GRM4: variants seen among roughly 807,000 people sequenced by gnomAD.
GRM4 encodes glutamate metabotropic receptor 4.
In GRM4, 28 loss-of-function variants were observed where a neutral mutation model predicts 81.7. The observed-to-expected ratio is 0.34, with a 90% CI of 0.25 to 0.47. GRM4 has a LOEUF of 0.47. GRM4 is among the 20% of genes least tolerant of loss of function. The pLI is 1.00. For synonymous variants in GRM4, 488 were observed against 528.8 expected, an observed-to-expected ratio of 0.92 and a Z score of 1.06; for missense variants, 948 against 1,290.0, an observed-to-expected ratio of 0.73 and a Z score of 4.06.
Position 34,089,771 on chromosome 6 carries a change from G to A in GRM4, c.736+2112C>T, listed in dbSNP as rs1768105165. Among the ~76,000 whole-genome samples the A allele has an allele frequency of 6.6e-6, 1 of 152,002 alleles. No individual in the cohort carries two copies. Among genetic ancestry groups the A allele is most frequent in the Non-Finnish European group, 1.5e-5 (1 of 67,994 alleles). ...TTGATAAAAAAAAAATTAAACAATA[G>A]GCTTACCTTCAGCCAAAACACAATG... On this transcript the variant is annotated intron_variant, in intron 3 of 10. Coordinates refer to ENST00000538487, the MANE Select transcript of GRM4 (RefSeq NM_000841.4). The surrounding 1 kb of genome is among the most constrained non-coding windows in gnomAD (Gnocchi z 4.3).
At chr6:34,101,181 C>T (rs1167082217) in intron 2 of GRM4, among the ~76,000 whole-genome samples, 1 of 152,218 alleles carries the variant, frequency 6.6e-6, no homozygotes, top group Non-Finnish European at 1.5e-5. Context: ...CACACACATG[C>T]AATCCTCATC....
chr6:34,092,158 C>G lies in GRM4; in HGVS notation c.520-59G>C. ...CTGGCTCCCCACCCTGCCTAGCCAGCCCCATTCCCCTACACACCAACCTCC... is the reference window on the plus strand; with the variant it reads ...CTGGCTCCCCACCCTGCCTAGCCAGGCCCATTCCCCTACACACCAACCTCC... On this transcript the variant is annotated intron_variant, in intron 2 of 10. Coordinates refer to ENST00000538487, the MANE Select transcript of GRM4 (RefSeq NM_000841.4). This position sits in a 1 kb window ranked among gnomAD's most constrained non-coding sequence, Gnocchi z 6.8. 1 of 1,174,524 alleles carries G rather than the reference C, an allele frequency of 8.5e-7. No homozygotes were observed. The highest frequency in any genetic ancestry group is 1.2e-6 in the Non-Finnish European group (1 of 803,404). The allele number at this position is 1,174,524 out of a possible 1,614,324, so 72.8% of individuals were successfully genotyped here. A position where few individuals can be genotyped will look rare whatever the true frequency, so the allele number is the denominator to read the frequency against.
At chr6:34,081,155 C>A (rs776832501) in intron 3 of GRM4, among the ~76,000 whole-genome samples, 1 of 152,220 alleles carries the variant, frequency 6.6e-6, no homozygotes, top group Non-Finnish European at 1.5e-5. Flanking sequence ...GGGCCAGTTT[C>A]GGAGTCATGC....
Position 34,078,471 on chromosome 6 carries a change from A to ACCTTCCCTTCTTCCACC in GRM4, c.736+13395_736+13411dup, listed in dbSNP as rs1264345561. On this transcript the variant is annotated intron_variant, in intron 3 of 10. Coordinates refer to ENST00000538487, the MANE Select transcript of GRM4 (RefSeq NM_000841.4). The surrounding 1 kb of genome is among the most constrained non-coding windows in gnomAD (Gnocchi z 4.8). ...GCCAGAGCCCAGTGCTGCGGTCCAC[A>ACCTTCCCTTCTTCCACC]CCTTCCCTTCTTCCACCCCGTCTTC... 1.3e-5 allele frequency among the ~76,000 whole-genome samples: 2 copies of ACCTTCCCTTCTTCCACC among 151,962 alleles called. No individual in the cohort carries two copies. The highest frequency in any genetic ancestry group is 2.9e-5 in the Non-Finnish European group (2 of 67,958).
chr6:34,040,106 C>T (rs757732706), intron 8 of GRM4, 72 bp downstream of exon 8: 30 of 1,471,850 alleles, frequency 2.0e-5, no homozygotes, highest in Non-Finnish European at 2.7e-5. Context: ...CAGCAGCCTC[C>T]CCTTGGGCCC....
chr6:34,099,707 G>C (rs1330494621), intron 2 of GRM4, among the ~76,000 whole-genome samples: 1 of 152,158 alleles, frequency 6.6e-6, no homozygotes, highest in Non-Finnish European at 1.5e-5. Context: ...GCCCTCCATG[G>C]AGCTGCCCTG....
chr6:34,027,746 C>T (rs1249034937), intron 10 of GRM4, among the ~76,000 whole-genome samples: 1 of 152,194 alleles, frequency 6.6e-6, no homozygotes, highest in African/African-American at 2.4e-5. Context: ...AGGCAGAGAC[C>T]CAGGCCCCAG....
At chr6:34,154,000 A>C (rs980169167) in intron 1 of GRM4, among the ~76,000 whole-genome samples, 2 of 151,738 alleles carry the variant, frequency 1.3e-5, no homozygotes, top group Non-Finnish European at 2.9e-5. Context: ...GTCCAGGACC[A>C]CATGGGGTGT....
chr6:34,035,869 G>A lies in GRM4; in HGVS notation c.2241C>T (p.Asp747=), dbSNP rs1275053371. The part of the protein sequence containing the change: ...PRFARGVLKC[D]ISDLSLICLL... ...GGCAGATGAGCGACAGGTCCGAGAT[G>A]TCACACTTGAGCACACCCCTGGCGA... The change falls in exon 9 of 11, where the codon GAC becomes GAT. Residue 747 remains aspartate, a synonymous_variant. Transcript: ENST00000538487. This position sits in a 1 kb window ranked among gnomAD's most constrained non-coding sequence, Gnocchi z 6.6. The A allele has an allele frequency of 6.2e-7, 1 of 1,610,942 alleles. No homozygotes were observed. The highest frequency in any genetic ancestry group is 1.1e-5 in the South Asian group (1 of 91,002).
At position 34,065,400 on chromosome 6, in the gene GRM4, T is replaced by C. The variant is rs551134528; in HGVS notation, c.737-3372A>G. Among the ~76,000 whole-genome samples the C allele has an allele frequency of 2.4e-3, 370 of 152,110 alleles. 5 individuals carry two copies. Among genetic ancestry groups the C allele is most frequent in the African/African-American group, 8.5e-3 (352 of 41,458 alleles). ...AATAAAGTAAGAATCCATGGGTCCA[T>C]ACTGAGAGTAGATAGAATCAAATGA... On this transcript the variant is annotated intron_variant, in intron 3 of 10. Coordinates refer to ENST00000538487, the MANE Select transcript of GRM4 (RefSeq NM_000841.4).
intron 2 of GRM4, chr6:34,103,635 G>C (rs1768961975): frequency 6.5e-7 from 1 of 1,534,946 alleles, no homozygotes; most frequent in African/African-American, 1.4e-5. Context: ...ATCTGTGGGG[G>C]AGGCCGGGAG....
intron 2 of GRM4, among the ~76,000 whole-genome samples, chr6:34,096,674 A>G (rs1768529198): frequency 1.3e-5 from 1 of 79,540 alleles, no homozygotes; most frequent in South Asian, 5.6e-4. Context: ...GGCCCCCCGA[A>G]GAGGGGTAGG....
intron 2 of GRM4, among the ~76,000 whole-genome samples, chr6:34,112,800 G>A (rs1441684959): frequency 6.6e-6 from 1 of 152,136 alleles, no homozygotes; most frequent in Non-Finnish European, 1.5e-5. Context: ...AATGCGAGTG[G>A]CACAGATGCC....
At chr6:34,054,045 T>C (rs1342960189) in intron 6 of GRM4, 1 of 152,158 alleles carries the variant, frequency 6.6e-6, no homozygotes, top group South Asian at 2.1e-4. Flanking sequence ...AACGCTTCAC[T>C]TCCTTCTGGA....
chr6:34,105,752 T>C (rs1769094182), intron 2 of GRM4, among the ~76,000 whole-genome samples: 1 of 152,134 alleles, frequency 6.6e-6, no homozygotes, highest in Admixed American at 6.5e-5. Flanking sequence ...TGTCGCAAAT[T>C]CAGCAGGTTC....
intron 1 of GRM4, among the ~76,000 whole-genome samples, chr6:34,142,478 A>G (rs1023140993): frequency 2.0e-5 from 3 of 152,198 alleles, no homozygotes; most frequent in African/African-American, 7.2e-5. Context: ...GGACACGTCT[A>G]TCGGCAGTAA....
chr6:34,150,069 C>CA (rs1771014470), upstream of GRM4, among the ~76,000 whole-genome samples: 1 of 152,048 alleles, frequency 6.6e-6, no homozygotes, highest in Non-Finnish European at 1.5e-5. Context: ...TTCTAAATTC[C>CA]AAAAAAGACC....
rs1763818764 is a variant in GRM4 at position 34,020,117 on chromosome 6, ATTCT to A, written c.*2700_*2703del. ...AAGGCTTCCCTCCTCCACCCACCTC[ATTCT>A]AACAGTCATTTTACTTTGGGACACA... On this transcript the variant is annotated 3_prime_UTR_variant, in exon 11 of 11. Coordinates refer to ENST00000538487, the MANE Select transcript of GRM4 (RefSeq NM_000841.4). 6.6e-6 allele frequency: 1 copy of A among 152,314 alleles called. No homozygotes were observed. The highest frequency in any genetic ancestry group is 1.5e-5 in the Non-Finnish European group (1 of 68,116). 9.4% of individuals were successfully genotyped at this position (152,314 alleles called of 1,614,324 possible).
intron 10 of GRM4, chr6:34,024,484 G>A (rs1764035837): frequency 2.2e-5 from 8 of 359,730 alleles, no homozygotes; most frequent in South Asian, 1.7e-4. Context: ...GCTCAGTTCT[G>A]GGACCTCTTT....
Sources: gnomAD v4.1 joint callset for allele counts (sites outside exome capture counted in the v4.1 genomes callset) on GRCh38, gnomAD v4.1.1 for gene constraint, Gnocchi (gnomAD v3.1) non-coding constraint, MANE v1.5 for transcripts, NCBI Gene and HGNC (gene_info 2026-07-23, HGNC 2026-07-21) for gene names.